The following NAV2 variants were observed in gnomAD, a reference collection of about 807,000 sequenced individuals.
NAV2 encodes helicase, APC down-regulated 1.
A neutral mutation model predicts 223.2 loss-of-function variants in NAV2; 54 were observed. That is an observed-to-expected ratio of 0.24 (90% CI 0.19 to 0.30). NAV2 has a LOEUF of 0.30. Ranked by LOEUF, NAV2 falls within the 10% of genes least tolerant of loss-of-function variation. The pLI is 1.00. For synonymous variants in NAV2, 1,279 were observed against 1,239.3 expected (o/e 1.03, Z -0.67); for missense variants, 2,806 against 3,147.5 (o/e 0.89, Z 2.60).
chr11:19,518,175 C>G (rs577185345), intron 1 of NAV2, among the ~76,000 whole-genome samples: 8 of 152,334 alleles, frequency 5.3e-5, no homozygotes, highest in African/African-American at 1.7e-4. Flanking sequence ...AGGGGAATTT[C>G]ATCAAAGCTT....
intron 1 of NAV2, among the ~76,000 whole-genome samples, chr11:19,556,122 T>C (rs1257599611): frequency 6.6e-6 from 1 of 152,170 alleles, no homozygotes; most frequent in African/African-American, 2.4e-5. Flanking sequence ...CTTGAAAATG[T>C]TCACTCTACC....
At chr11:20,008,280 T>A (rs1410521056) in intron 11 of NAV2, among the ~76,000 whole-genome samples, 3 of 151,972 alleles carry the variant, frequency 2.0e-5, no homozygotes, top group Admixed American at 6.6e-5. Flanking sequence ...GGCAGGAGAA[T>A]CCATGAGGCC....
chr11:19,894,370 C>A (rs1282004976), intron 6 of NAV2, among the ~76,000 whole-genome samples: 2 of 152,180 alleles, frequency 1.3e-5, no homozygotes, highest in Non-Finnish European at 2.9e-5. Context: ...GAAAAGCCTG[C>A]GCTGGGCCTC....
At chr11:19,622,694 C>G (rs552044794) in intron 1 of NAV2, among the ~76,000 whole-genome samples, 51 of 152,318 alleles carry the variant, frequency 3.3e-4, no homozygotes, top group Admixed American at 4.6e-4. Flanking sequence ...ATACAGCACA[C>G]TGATGGGTCT....
At chr11:19,734,974 G>T (rs1012929378) in intron 1 of NAV2, among the ~76,000 whole-genome samples, 8 of 152,176 alleles carry the variant, frequency 5.3e-5, no homozygotes, top group African/African-American at 1.9e-4. Context: ...GCTAGAGTTG[G>T]AGCCAAGCCT....
intron 1 of NAV2, among the ~76,000 whole-genome samples, chr11:19,765,616 C>G (rs1407618324): frequency 6.6e-6 from 1 of 152,148 alleles, no homozygotes; most frequent in Admixed American, 6.5e-5. Context: ...ACAAGCTGGC[C>G]TGACCCTTCT....
chr11:20,002,226 T>C (rs1275456184), intron 11 of NAV2, among the ~76,000 whole-genome samples: 3 of 152,166 alleles, frequency 2.0e-5, no homozygotes, highest in Non-Finnish European at 4.4e-5. Flanking sequence ...CATTGGGGGT[T>C]AGATTTCAAT....
intron 14 of NAV2, among the ~76,000 whole-genome samples, chr11:20,048,346 C>T (rs1461250100): frequency 6.6e-6 from 1 of 152,150 alleles, no homozygotes; most frequent in African/African-American, 2.4e-5. Context: ...GCCGCAGAGA[C>T]AGAGATGATG....
At chr11:19,533,320 G>A (rs1458440222) in intron 1 of NAV2, among the ~76,000 whole-genome samples, 2 of 152,010 alleles carry the variant, frequency 1.3e-5, no homozygotes, top group African/African-American at 2.4e-5. Flanking sequence ...GATGCCATTA[G>A]CGACAACTCC....
intron 6 of NAV2, among the ~76,000 whole-genome samples, chr11:19,927,524 G>A (rs2044879833): frequency 6.6e-6 from 1 of 152,182 alleles, no homozygotes; most frequent in Non-Finnish European, 1.5e-5. Context: ...GGAGGTTGCA[G>A]TGAGCACTCC....
At chr11:20,070,624 G>A (rs781280992) in intron 22 of NAV2, among the ~76,000 whole-genome samples, 30 of 152,130 alleles carry the variant, frequency 2.0e-4, no homozygotes, top group Non-Finnish European at 2.6e-4. Context: ...ATGTTTTATT[G>A]TCTGCCATCT....
At chr11:19,597,474 A>G (rs116788014) in intron 1 of NAV2, among the ~76,000 whole-genome samples, 2 of 152,134 alleles carry the variant, frequency 1.3e-5, no homozygotes, top group Non-Finnish European at 2.9e-5. Context: ...AGAAATCTCC[A>G]ATATGACTAA....
At chr11:20,084,465 T>G (rs993069601) in intron 26 of NAV2, among the ~76,000 whole-genome samples, 1 of 152,206 alleles carries the variant, frequency 6.6e-6, no homozygotes, top group Non-Finnish European at 1.5e-5. Context: ...TCTACTTTAC[T>G]GAGTTAGATG....
chr11:19,928,900 T>C (rs1313422783), intron 6 of NAV2, among the ~76,000 whole-genome samples: 1 of 152,114 alleles, frequency 6.6e-6, no homozygotes, highest in Non-Finnish European at 1.5e-5. Flanking sequence ...TTTAACTTAC[T>C]ATCTGAGAAG....
intron 1 of NAV2, among the ~76,000 whole-genome samples, chr11:19,554,738 G>A (rs575746607): frequency 6.6e-5 from 10 of 152,162 alleles, no homozygotes; most frequent in Non-Finnish European, 1.2e-4. Context: ...AGGCCGAGGC[G>A]GGCAGATCAC....
At chr11:20,013,469 C>T (rs1206065064) in intron 11 of NAV2, among the ~76,000 whole-genome samples, 2 of 47,778 alleles carry the variant, frequency 4.2e-5, no homozygotes, top group South Asian at 1.2e-3. Flanking sequence ...GGGCTCTTTG[C>T]CAAACTTTTT....
chr11:19,864,850 C>A (rs1215075521), intron 3 of NAV2, among the ~76,000 whole-genome samples: 4 of 152,172 alleles, frequency 2.6e-5, no homozygotes, highest in African/African-American at 9.7e-5. Flanking sequence ...TTACCTCCAT[C>A]CTTCACTCAA....
At chr11:19,750,432 T>C (rs574574621) in intron 1 of NAV2, among the ~76,000 whole-genome samples, 1 of 152,360 alleles carries the variant, frequency 6.6e-6, no homozygotes, top group East Asian at 1.9e-4. Flanking sequence ...AACAATGCTT[T>C]GGCCGTTGCC....
intron 1 of NAV2, among the ~76,000 whole-genome samples, chr11:19,654,691 T>C (rs1372259791): frequency 1.3e-5 from 2 of 152,206 alleles, no homozygotes; most frequent in Non-Finnish European, 2.9e-5. Context: ...TAGCCATATG[T>C]AGAAAGCTGA....
Sources: allele counts gnomAD v4.1 joint callset (sites outside exome capture counted in the v4.1 genomes callset), GRCh38; gene constraint gnomAD v4.1.1; transcripts MANE v1.5; gene names NCBI Gene and HGNC (gene_info 2026-07-23, HGNC 2026-07-21).